CORO2A: variants seen among roughly 807,000 people sequenced by gnomAD.
The protein encoded by CORO2A is coronin-2A.
CORO2A carries 47 observed loss-of-function variants against 62.4 expected under a neutral mutation model. The ratio of observed to expected loss-of-function variants is 0.75; its 90% confidence interval spans 0.60 to 0.96. The LOEUF (loss-of-function observed/expected upper bound fraction) is 0.96, where lower values mean the gene tolerates loss of function less well. Among genes scored for constraint, CORO2A ranks in the 40% least tolerant of loss-of-function variants. CORO2A has a pLI of 0.00. For missense variants in CORO2A, 610 were observed against 684.1 expected (o/e 0.89, Z 1.21); for synonymous variants, 273 against 268.9 (o/e 1.02, Z -0.15).
At chr9:98,184,618 G>A (rs910423152) in intron 1 of CORO2A, among the ~76,000 whole-genome samples, 14 of 152,246 alleles carry the variant, frequency 9.2e-5, no homozygotes, top group East Asian at 1.9e-4. Context: ...CTACAGGGAC[G>A]TAGTGCTTTG....
chr9:98,147,004 T>A (rs763957506), intron 2 of CORO2A, among the ~76,000 whole-genome samples: 3 of 152,200 alleles, frequency 2.0e-5, no homozygotes. Context: ...TGGTGGCTCA[T>A]GCCTGTTATC....
chr9:98,181,145 G>A (rs1205190671), intron 1 of CORO2A, among the ~76,000 whole-genome samples: 1 of 152,138 alleles, frequency 6.6e-6, no homozygotes, highest in Non-Finnish European at 1.5e-5. Flanking sequence ...CCCCAGTGGG[G>A]TGAAGGCTGC....
At chr9:98,188,123 C>A (rs750245901) in intron 1 of CORO2A, among the ~76,000 whole-genome samples, 1 of 152,178 alleles carries the variant, frequency 6.6e-6, no homozygotes, top group Non-Finnish European at 1.5e-5. Flanking sequence ...CAGGCATGGT[C>A]CTGCCTCAGG....
At chr9:98,131,795 C>G (rs1171106223) in intron 6 of CORO2A, among the ~76,000 whole-genome samples, 1 of 152,146 alleles carries the variant, frequency 6.6e-6, no homozygotes, top group Non-Finnish European at 1.5e-5. Flanking sequence ...CTCACCCTAC[C>G]CTGCTCCACC....
At chr9:98,164,193 T>C (rs17202687) in intron 1 of CORO2A, among the ~76,000 whole-genome samples, 18,226 of 152,236 alleles carry the variant, frequency 0.12, 1,114 homozygotes, top group Middle Eastern at 0.15. Flanking sequence ...TACCCAGTTA[T>C]TTCAAAAACC....
At chr9:98,129,748 C>T (rs748006683) in intron 8 of CORO2A, 46 bp downstream of exon 8, 55 of 1,483,488 alleles carry the variant, frequency 3.7e-5, no homozygotes, top group East Asian at 2.3e-4. Context: ...CTCGGCCTCC[C>T]GAAGTGCTGG....
intron 2 of CORO2A, among the ~76,000 whole-genome samples, chr9:98,141,427 C>T (rs1452009650): frequency 6.6e-6 from 1 of 150,852 alleles, no homozygotes; most frequent in Non-Finnish European, 1.5e-5. Context: ...TCCCGGATCA[C>T]TGCAACCTCC....
At chr9:98,168,118 A>T (rs1303387530) in intron 1 of CORO2A, among the ~76,000 whole-genome samples, 1 of 152,248 alleles carries the variant, frequency 6.6e-6, no homozygotes, top group African/African-American at 2.4e-5. Flanking sequence ...ATTAAAGTTA[A>T]AATTAAATAA....
intron 1 of CORO2A, among the ~76,000 whole-genome samples, chr9:98,178,971 C>T (rs185578655): frequency 1.3e-5 from 2 of 152,282 alleles, no homozygotes; most frequent in African/African-American, 2.4e-5. Context: ...GGAGAGAATG[C>T]AAATCTCTAG....
At chr9:98,125,866 C>T (rs1827309664) in intron 11 of CORO2A, among the ~76,000 whole-genome samples, 1 of 151,136 alleles carries the variant, frequency 6.6e-6, no homozygotes. Flanking sequence ...TACAGGCACG[C>T]ACCACCATAC....
chr9:98,168,413 A>G (rs1588010008), intron 1 of CORO2A, among the ~76,000 whole-genome samples: 1 of 152,248 alleles, frequency 6.6e-6, no homozygotes, highest in East Asian at 1.9e-4. Context: ...GGTGTTAAGT[A>G]TGTTCCACAT....
chr9:98,178,738 G>C (rs1307393271), intron 1 of CORO2A, among the ~76,000 whole-genome samples: 1 of 152,184 alleles, frequency 6.6e-6, no homozygotes, highest in Non-Finnish European at 1.5e-5. Flanking sequence ...TGAATTCTTT[G>C]TTCTATTTGT....
chr9:98,183,623 G>T (rs1828203563), intron 1 of CORO2A, among the ~76,000 whole-genome samples: 1 of 152,084 alleles, frequency 6.6e-6, no homozygotes, highest in African/African-American at 2.4e-5. Flanking sequence ...AAAAAATTAA[G>T]GAAAAATAAC....
Position 98,128,186 on chromosome 9 carries a change from G to C in CORO2A, c.1155C>G (p.Leu385=), listed in dbSNP as rs770298492. The C allele has an allele frequency of 3.1e-6, 5 of 1,613,320 alleles. No homozygotes were observed. The highest frequency in any genetic ancestry group is 4.2e-6 in the Non-Finnish European group (5 of 1,179,596). Residue 385 remains leucine (L), a synonymous_variant, in exon 10 of 12, where the codon CTC becomes CTG. Coordinates refer to ENST00000375077, the MANE Select transcript of CORO2A (RefSeq NM_052820.4). ...AQPSLTAQEW[L]SGMNRDPILV... is the part of the protein sequence containing the mutation. ...CTTCCTCACCTCGATTCATCCCGCT[G>C]AGCCACTCCTGGGCCGTCAGGGAGG...
At chr9:98,137,497 ACAGGTACCATTCCAC>A in intron 3 of CORO2A, 60 bp downstream of exon 3, 1 of 1,202,294 alleles carries the variant, frequency 8.3e-7, no homozygotes, top group Admixed American at 1.7e-5. Flanking sequence ...AGAGCCAAGA[ACAGGTACCATTCCAC>A]CCCAACCACC....
chr9:98,133,498 T>A (rs2045707148), intron 4 of CORO2A, among the ~76,000 whole-genome samples: 1 of 152,148 alleles, frequency 6.6e-6, no homozygotes, highest in African/African-American at 2.4e-5. Context: ...AACCAGCTAA[T>A]CCAGGCGGTT....
chr9:98,149,234 G>T (rs1207798330), intron 2 of CORO2A, among the ~76,000 whole-genome samples: 1 of 152,134 alleles, frequency 6.6e-6, no homozygotes, highest in East Asian at 1.9e-4. Context: ...CAAAAATAAC[G>T]ATTTGTTGTT....
At chr9:98,186,108 C>T (rs141214955) in intron 1 of CORO2A, among the ~76,000 whole-genome samples, 42 of 152,368 alleles carry the variant, frequency 2.8e-4, no homozygotes, top group African/African-American at 9.6e-4. Flanking sequence ...CAAGGCCAGG[C>T]TAGAAGCAGC....
rs2231666 is a variant in CORO2A at position 98,129,874 on chromosome 9, C to T, written c.887G>A (p.Arg296His). The change falls in exon 8 of 12, where the codon CGC becomes CAC. Residue 296 changes from arginine (R) to histidine (H), a missense_variant. Transcript: ENST00000375077. ...CTTGTCGGCGCTCACCTCGTAGTAG[C>T]GGATGTTGCCATCTCCCTGAGGAGG... ...YVVGKGDGNIRYYEVSADKPH... is the reference protein window; with the variant it reads ...YVVGKGDGNIHYYEVSADKPH... 66 of 1,613,648 alleles carry T rather than the reference C, an allele frequency of 4.1e-5. No individual in the cohort carries two copies. In the African/African-American group the frequency reaches 5.2e-4, roughly 13 times the overall value.
Sources: gnomAD v4.1 joint callset for allele counts (sites outside exome capture counted in the v4.1 genomes callset) on GRCh38, gnomAD v4.1.1 for gene constraint, MANE v1.5 for transcripts, NCBI Gene and HGNC (gene_info 2026-07-23, HGNC 2026-07-21) for gene names.